HYDIN: variants seen among roughly 807,000 people sequenced by gnomAD.
HYDIN encodes axonemal central pair apparatus protein HYDIN.
In HYDIN, 132 loss-of-function variants were observed where a neutral mutation model predicts 403.9. The observed-to-expected ratio is 0.33, with a 90% CI of 0.28 to 0.38. The LOEUF (loss-of-function observed/expected upper bound fraction) is 0.38. Ranked by LOEUF, HYDIN falls within the 10% of genes least tolerant of loss-of-function variation. The pLI is 1.00. For synonymous variants in HYDIN, 1,202 were observed against 1,891.7 expected (o/e 0.64, Z 9.46); for missense variants, 2,827 against 5,009.5 (o/e 0.56, Z 13.15).
In HYDIN at chr16:70,807,921, C is replaced by T. The variant is rs199657414; in HGVS notation, c.15025G>A (p.Ala5009Thr). 1.9e-5 allele frequency: 31 copies of T among 1,614,026 alleles called. No homozygotes were observed. Among genetic ancestry groups the T allele is most frequent in the Middle Eastern group, 1.6e-4 (1 of 6,084 alleles). Residue 5009 changes from alanine to threonine, a missense_variant, in exon 86 of 86, where the codon GCA becomes ACA. Physicochemically the swap from Ala to Thr is moderately conservative, Grantham distance 58. Coordinates refer to ENST00000393567, the MANE Select transcript of HYDIN (RefSeq NM_001270974.2). ...AGGGGGATGATATACTCTCCACCTGCGAGCGATGATAGGATCAGGATGCCC... is the reference window on the plus strand; with the variant it reads ...AGGGGGATGATATACTCTCCACCTGTGAGCGATGATAGGATCAGGATGCCC... ...TKGILILSSL[A>T]GGEYIIPLFG...
intron 23 of HYDIN, among the ~76,000 whole-genome samples, chr16:71,003,372 A>C (rs2079784798): frequency 6.6e-6 from 1 of 152,066 alleles, no homozygotes; most frequent in Non-Finnish European, 1.5e-5. Context: ...CCATTTATTT[A>C]GGTCTTATTT....
At chr16:70,953,223 T>C (rs1160802649) in intron 40 of HYDIN, among the ~76,000 whole-genome samples, 1 of 151,342 alleles carries the variant, frequency 6.6e-6, no homozygotes, top group Non-Finnish European at 1.5e-5. Flanking sequence ...TGTTCATTTC[T>C]TGATTCAATG....
At chr16:70,932,597 T>G (rs559970480) in intron 45 of HYDIN, among the ~76,000 whole-genome samples, 45 of 152,322 alleles carry the variant, frequency 3.0e-4, no homozygotes, top group Middle Eastern at 3.4e-3. Flanking sequence ...GGTTTTTTTT[T>G]TTGTTGGTTT....
intron 1 of HYDIN, among the ~76,000 whole-genome samples, chr16:71,219,772 T>C (rs1444907665): frequency 6.6e-6 from 1 of 152,212 alleles, no homozygotes; most frequent in African/African-American, 2.4e-5. Flanking sequence ...CCAGCAATAA[T>C]CCTACAATTA....
chr16:70,942,017 T>C (rs1167224243), intron 42 of HYDIN, among the ~76,000 whole-genome samples, 198 bp from the exon 43 acceptor site: 1 of 142,420 alleles, frequency 7.0e-6, no homozygotes, highest in Non-Finnish European at 1.5e-5. Flanking sequence ...CAGTCTTTTT[T>C]TTTTTTTTTT....
chr16:71,099,908 C>T (rs1310021632), intron 10 of HYDIN, among the ~76,000 whole-genome samples: 1 of 152,044 alleles, frequency 6.6e-6, no homozygotes, highest in African/African-American at 2.4e-5. Context: ...GAGGCTGAGG[C>T]AAGAGGATCA....
intron 23 of HYDIN, among the ~76,000 whole-genome samples, chr16:71,009,098 G>T: frequency 6.7e-6 from 1 of 148,230 alleles, no homozygotes; most frequent in Non-Finnish European, 1.5e-5. Context: ...AGGGACACAG[G>T]ATTCAACCAG....
intron 23 of HYDIN, among the ~76,000 whole-genome samples, chr16:70,997,890 T>C (rs2079581622): frequency 6.7e-6 from 1 of 149,476 alleles, no homozygotes; most frequent in African/African-American, 2.5e-5. Context: ...GATGGTCTAC[T>C]ATTTGTAAAA....
At chr16:71,210,822 A>G (rs915445426) in intron 1 of HYDIN, among the ~76,000 whole-genome samples, 1 of 152,114 alleles carries the variant, frequency 6.6e-6, no homozygotes, top group East Asian at 1.9e-4. Flanking sequence ...AATAAATGCA[A>G]CTGTATTGAT....
intron 1 of HYDIN, among the ~76,000 whole-genome samples, chr16:71,188,604 C>T (rs927397665): frequency 9.2e-5 from 14 of 152,076 alleles, no homozygotes; most frequent in Admixed American, 2.0e-4. Context: ...CAAAATAGCA[C>T]AAAAACCATC....
At chr16:71,037,157 T>C (rs1197947270) in intron 18 of HYDIN, among the ~76,000 whole-genome samples, 5 of 150,744 alleles carry the variant, frequency 3.3e-5, no homozygotes, top group Non-Finnish European at 7.4e-5. Flanking sequence ...CTCAGGATAT[T>C]GACTGTACCT....
intron 50 of HYDIN, among the ~76,000 whole-genome samples, chr16:70,904,876 G>A (rs1056122412): frequency 5.9e-5 from 9 of 151,494 alleles, no homozygotes; most frequent in Non-Finnish European, 1.0e-4. Flanking sequence ...AACCCTCAGA[G>A]AATGTTACTG....
rs746288942 is a variant in HYDIN, at chr16:70,992,138, C to T, written c.3717G>A (p.Glu1239=). ...CTAGGATTGCTGGTGGGCTGGCAGC[C>T]TCTGAGGTTGCTGGGATGGACTCCA... is the stretch of plus-strand genomic sequence containing the variant. The part of the protein sequence containing the change: ...SQMESIPATS[E]AASPPAILVT... Residue 1239 remains glutamate, a synonymous_variant, in exon 24 of 86, where the codon GAG becomes GAA. Coordinates refer to ENST00000393567, the MANE Select transcript of HYDIN (RefSeq NM_001270974.2). The T allele has an allele frequency of 5.0e-6, 8 of 1,612,172 alleles. No individual in the cohort carries two copies. Among genetic ancestry groups the T allele is most frequent in the Non-Finnish European group, 6.8e-6 (8 of 1,179,254 alleles).
chr16:70,902,794 A>AATATATATATATATATATATATATAT (rs1264288990), intron 52 of HYDIN, among the ~76,000 whole-genome samples: 1 of 61,146 alleles, frequency 1.6e-5, no homozygotes, highest in African/African-American at 1.0e-4. Context: ...CTACTCTTTA[A>AATATATATATATATATATATATATAT]ATATATATAT....
intron 23 of HYDIN, 40 bp from the exon 24 acceptor site, chr16:70,992,250 A>T: frequency 2.0e-6 from 3 of 1,520,842 alleles, no homozygotes; most frequent in Non-Finnish European, 2.6e-6. Flanking sequence ...GAGACAGGAG[A>T]CATCAGTTTT....
chr16:70,809,958 C>T lies in HYDIN; in HGVS notation c.14708G>A (p.Gly4903Glu). 3 of 1,614,142 alleles carry T rather than the reference C, an allele frequency of 1.9e-6. No individual in the cohort carries two copies. Among genetic ancestry groups the T allele is most frequent in the Non-Finnish European group, 2.5e-6 (3 of 1,180,026 alleles). ...GTCAGTGTTGTGCAAAGTTAGTCTT[C>T]CGAAGGTTTCTCCAGCTTTCAGGGG... is the stretch of plus-strand genomic sequence containing the variant. ...FQPLKAGETF[G>E]RLTLHNTDLG... The change falls in exon 85 of 86, where the codon GGA becomes GAA. Residue 4903 changes from glycine to glutamate, a missense_variant. Physicochemically the swap from Gly to Glu is moderately conservative, Grantham distance 98. Coordinates refer to ENST00000393567, the MANE Select transcript of HYDIN (RefSeq NM_001270974.2).
In HYDIN at chr16:70,926,268, A is replaced by T. The variant is rs1597339611; in HGVS notation, c.7159-5051T>A. On this transcript the variant is annotated intron_variant, in intron 45 of 85. Coordinates refer to ENST00000393567, the MANE Select transcript of HYDIN (RefSeq NM_001270974.2). ...AAATGTGGCACATAGACACCATGGA[A>T]TACTATGCAGCCATAAAAAATGATG... Among the ~76,000 whole-genome samples the T allele has an allele frequency of 2.0e-5, 3 of 152,174 alleles. No homozygotes were observed. The East Asian group carries it at 5.8e-4, about 29-fold the overall frequency.
intron 1 of HYDIN, among the ~76,000 whole-genome samples, chr16:71,209,307 C>A (rs924381888): frequency 6.6e-6 from 1 of 151,294 alleles, no homozygotes; most frequent in African/African-American, 2.4e-5. Context: ...ATGATTATCT[C>A]AATAGATGAA....
At chr16:71,106,330 T>C (rs2083615036) in intron 10 of HYDIN, among the ~76,000 whole-genome samples, 1 of 152,100 alleles carries the variant, frequency 6.6e-6, no homozygotes, top group Non-Finnish European at 1.5e-5. Flanking sequence ...GTTTATGTTT[T>C]TACGTGCTTC....
Sources: allele counts gnomAD v4.1 joint callset (sites outside exome capture counted in the v4.1 genomes callset), GRCh38; gene constraint gnomAD v4.1.1; transcripts MANE v1.5; gene names NCBI Gene and HGNC (gene_info 2026-07-23, HGNC 2026-07-21).